The following METTL16 variants were observed in gnomAD, a reference collection of about 807,000 sequenced individuals.
The protein encoded by METTL16 is RNA N(6)-adenosine-methyltransferase METTL16.
A neutral mutation model predicts 57.9 loss-of-function variants in METTL16; 19 were observed. The ratio of observed to expected loss-of-function variants is 0.33; its 90% CI spans 0.23 to 0.48. The LOEUF (loss-of-function observed/expected upper bound fraction) is 0.48, where lower values mean the gene tolerates loss of function less well. METTL16 is among the 20% of genes least tolerant of loss of function. METTL16 has a pLI of 0.99. For synonymous variants in METTL16, 246 were observed against 255.6 expected (o/e 0.96, Z 0.36); for missense variants, 434 against 691.5 (o/e 0.63, Z 4.18).
chr17:2,460,060 T>C (rs892119815), intron 6 of METTL16: 2 of 152,170 alleles, frequency 1.3e-5, no homozygotes, highest in African/African-American at 4.8e-5. Context: ...GAACTGGTAG[T>C]TGTACAAATG....
At chr17:2,484,249 C>CCTTATAAATATTTAAATAAATT in intron 2 of METTL16, among the ~76,000 whole-genome samples, 2 of 152,120 alleles carry the variant, frequency 1.3e-5, no homozygotes, top group African/African-American at 4.8e-5. Context: ...TAAGGAATAG[C>CCTTATAAATATTTAAATAAATT]TATTGGTACT....
chr17:2,437,134 G>A (rs910087942), intron 8 of METTL16, among the ~76,000 whole-genome samples: 2 of 152,134 alleles, frequency 1.3e-5, no homozygotes, highest in East Asian at 1.9e-4. Flanking sequence ...TGCCCGCCTC[G>A]GCCTCCCAAA....
chr17:2,490,180 G>C (rs2067376506), intron 2 of METTL16, among the ~76,000 whole-genome samples: 1 of 151,848 alleles, frequency 6.6e-6, no homozygotes, highest in Non-Finnish European at 1.5e-5. Flanking sequence ...GCGTCGGGTG[G>C]AGACTTCCTT....
intron 6 of METTL16, among the ~76,000 whole-genome samples, chr17:2,445,792 A>C (rs112084630): frequency 6.6e-6 from 1 of 152,048 alleles, no homozygotes; most frequent in African/African-American, 2.4e-5. Context: ...ACTTAAAAAA[A>C]AAAAATTAAT....
At chr17:2,426,893 T>C (rs1384044156) in intron 8 of METTL16, among the ~76,000 whole-genome samples, 3 of 151,288 alleles carry the variant, frequency 2.0e-5, no homozygotes, top group Non-Finnish European at 4.4e-5. Flanking sequence ...CCAGCACTTT[T>C]GGAGGCCAAG....
intron 8 of METTL16, among the ~76,000 whole-genome samples, chr17:2,432,518 G>A (rs1001554778): frequency 6.6e-6 from 1 of 152,080 alleles, no homozygotes; most frequent in South Asian, 2.1e-4. Context: ...GCAGTGAGCC[G>A]TGAGCGCGCC....
rs2151681719 is a variant in METTL16 at position 2,419,746 on chromosome 17, G to T, written c.*224C>A. The T allele has an allele frequency of 1.4e-6, 1 of 698,494 alleles. No individual in the cohort carries two copies. Among genetic ancestry groups the T allele is most frequent in the Non-Finnish European group, 2.6e-6 (1 of 386,648 alleles). The allele number at this position is 698,494 out of a possible 1,614,324, so 43.3% of individuals were successfully genotyped here. A position where few individuals can be genotyped will look rare whatever the true frequency, so the allele number is the denominator to read the frequency against. On this transcript the variant is annotated 3_prime_UTR_variant, in exon 10 of 10. Coordinates refer to ENST00000263092, the MANE Select transcript of METTL16 (RefSeq NM_024086.4). ...TTACTGAGGGCTTTCTGTTGTTACT[G>T]ATGACCACAATTCCTCCTTGTAAAT... is the stretch of plus-strand genomic sequence containing the variant.
intron 4 of METTL16, among the ~76,000 whole-genome samples, chr17:2,470,555 C>G (rs1005840633): frequency 6.6e-6 from 1 of 152,082 alleles, no homozygotes; most frequent in Non-Finnish European, 1.5e-5. Context: ...ATGCCTGTAA[C>G]TCCAGCACTT....
chr17:2,447,293 G>A (rs1351311267), intron 6 of METTL16, among the ~76,000 whole-genome samples: 1 of 146,542 alleles, frequency 6.8e-6, no homozygotes, highest in Non-Finnish European at 1.5e-5. Context: ...GAGGTGAGGA[G>A]CGTCTCTGCC....
At chr17:2,472,865 G>A (rs1419006764) in intron 4 of METTL16, among the ~76,000 whole-genome samples, 3 of 152,088 alleles carry the variant, frequency 2.0e-5, no homozygotes, top group African/African-American at 7.2e-5. Context: ...GGACAGTTGA[G>A]GCACAGAAGA....
At chr17:2,491,650 T>C (rs553033197) in intron 2 of METTL16, among the ~76,000 whole-genome samples, 148 of 149,058 alleles carry the variant, frequency 9.9e-4, no homozygotes, top group Non-Finnish European at 1.3e-3. Context: ...CCAAGGCGGG[T>C]GAATCACGAG....
At chr17:2,440,708 C>T (rs2066943421) in intron 7 of METTL16, among the ~76,000 whole-genome samples, 1 of 151,966 alleles carries the variant, frequency 6.6e-6, no homozygotes, top group Non-Finnish European at 1.5e-5. Flanking sequence ...CAATGGTGCA[C>T]ACCTGTAATC....
intron 6 of METTL16, among the ~76,000 whole-genome samples, chr17:2,442,835 CT>C (rs56689043): frequency 1.2e-3 from 178 of 146,810 alleles, no homozygotes; most frequent in Middle Eastern, 3.6e-3. Context: ...TTCAATAGTT[CT>C]TTTTTTTTTT....
chr17:2,488,878 T>G (rs994414534), intron 2 of METTL16, among the ~76,000 whole-genome samples: 1 of 152,210 alleles, frequency 6.6e-6, no homozygotes, highest in Non-Finnish European at 1.5e-5. Context: ...CGTACTGTAC[T>G]GACATCCTTC....
At chr17:2,492,474 A>G (rs1278506040) in intron 2 of METTL16, among the ~76,000 whole-genome samples, 1 of 152,174 alleles carries the variant, frequency 6.6e-6, no homozygotes, top group Non-Finnish European at 1.5e-5. Flanking sequence ...ACCTACCATG[A>G]ACTCAGTGTC....
chr17:2,502,193 C>T lies in METTL16; in HGVS notation c.128+11G>A. ...CACAAGAATAACAGTGATTTTTCAT[C>T]CGTTACCTACCTCACTCTTCCATTC... On this transcript the variant is annotated intron_variant, in intron 2 of 9. Transcript: ENST00000263092. The T allele has an allele frequency of 6.2e-7, 1 of 1,610,990 alleles. No individual in the cohort carries two copies. Among genetic ancestry groups the T allele is most frequent in the East Asian group, 2.2e-5 (1 of 44,838 alleles).
intron 8 of METTL16, among the ~76,000 whole-genome samples, chr17:2,425,871 G>A (rs769444453): frequency 9.2e-5 from 14 of 152,018 alleles, no homozygotes; most frequent in Non-Finnish European, 1.6e-4. Context: ...ATTTTTTGTA[G>A]AGATGGGGTT....
At position 2,492,055 on chromosome 17, in the gene METTL16, C is replaced by CA. The variant is rs574554788; in HGVS notation, c.128+10148dup. 2.2e-3 allele frequency among the ~76,000 whole-genome samples: 330 copies of CA among 150,586 alleles called. 3 individuals carry two copies. Among genetic ancestry groups the CA allele is most frequent in the African/African-American group, 7.2e-3 (295 of 41,018 alleles). Reference sequence around the variant, plus strand: ...TGAAACCCTGTCTCTACTAAAAATACAAAAAATTAGCCGGGCGTGGTGGCG... The same window carrying CA: ...TGAAACCCTGTCTCTACTAAAAATACAAAAAAATTAGCCGGGCGTGGTGGCG... On this transcript the variant is annotated intron_variant, in intron 2 of 9. Coordinates refer to ENST00000263092, the MANE Select transcript of METTL16 (RefSeq NM_024086.4).
intron 2 of METTL16, among the ~76,000 whole-genome samples, chr17:2,498,806 C>T (rs759994620): frequency 1.3e-5 from 2 of 151,582 alleles, no homozygotes; most frequent in African/African-American, 4.9e-5. Context: ...CTCCATACCA[C>T]GCCCTTAAGA....
Sources: gnomAD v4.1 joint callset for allele counts (sites outside exome capture counted in the v4.1 genomes callset) on GRCh38, gnomAD v4.1.1 for gene constraint, MANE v1.5 for transcripts, NCBI Gene and HGNC (gene_info 2026-07-23, HGNC 2026-07-21) for gene names.